Variants in POLR1B observed in about 807,000 individuals in gnomAD.
POLR1B encodes RNA polymerase I subunit B.
Under a neutral mutation model 105.8 loss-of-function variants are expected in POLR1B, and 30 were observed. That is an observed-to-expected ratio of 0.28 (90% confidence interval 0.21 to 0.38). POLR1B has a LOEUF of 0.38. Ranked by LOEUF, POLR1B falls within the 10% of genes least tolerant of loss-of-function variation. The probability of loss-of-function intolerance (pLI) is 1.00; values close to 1 mark genes in which losing one functional copy is unlikely to be tolerated. For synonymous variants in POLR1B, 485 were observed against 505.1 expected (o/e 0.96, Z 0.53); for missense variants, 976 against 1,435.8 (o/e 0.68, Z 5.17).
At chr2:112,563,919 T>C (rs1684142802) in intron 9 of POLR1B, among the ~76,000 whole-genome samples, 1 of 151,986 alleles carries the variant, frequency 6.6e-6, no homozygotes. Context: ...AACCCATTTT[T>C]TTTGCTCATC....
At chr2:112,557,435 G>A (rs1007135726) in intron 7 of POLR1B, among the ~76,000 whole-genome samples, 1 of 152,100 alleles carries the variant, frequency 6.6e-6, no homozygotes. Flanking sequence ...GTGAAGGAGG[G>A]CATCACATTG....
intron 10 of POLR1B, among the ~76,000 whole-genome samples, chr2:112,566,364 A>G (rs1018544363): frequency 6.6e-6 from 1 of 152,158 alleles, no homozygotes; most frequent in Non-Finnish European, 1.5e-5. Flanking sequence ...TTCACCCACT[A>G]GTTGATGGAT....
intron 3 of POLR1B, 56 bp from the exon 4 acceptor site, chr2:112,549,211 G>C: frequency 6.3e-7 from 1 of 1,595,126 alleles, no homozygotes; most frequent in Non-Finnish European, 8.6e-7. Context: ...TGAGGTTCAT[G>C]TTTACAGTTA....
chr2:112,567,034 T>G (rs1684319421), intron 10 of POLR1B, among the ~76,000 whole-genome samples: 1 of 152,106 alleles, frequency 6.6e-6, no homozygotes, highest in African/African-American at 2.4e-5. Context: ...TTCATTCTCT[T>G]TTTTTTGGTT....
chr2:112,546,544 CTTTTTTTTTTTTTTTTTTTTTTTTTTTT>C lies in POLR1B; in HGVS notation c.178-460_178-433del, dbSNP rs869087985. ...GAAGTTATGAGTAGACTGGAGGTAG[CTTTTTTTTTTTTTTTTTTTTTTTTTTTT>C]TTTTTTTGAGACGGAGTCTCGCTCT... On this transcript the variant is annotated intron_variant, in intron 1 of 14. Transcript: ENST00000263331. Among the ~76,000 whole-genome samples, 3 of 53,158 alleles carry C rather than the reference CTTTTTTTTTTTTTTTTTTTTTTTTTTTT, an allele frequency of 5.6e-5. No homozygotes were observed. The Admixed American group carries it at 1.0e-3, about 19-fold the overall frequency. 34.9% of individuals were successfully genotyped at this position (53,158 alleles called of 152,430 possible).
intron 10 of POLR1B, among the ~76,000 whole-genome samples, chr2:112,566,047 G>A (rs1411347095): frequency 6.6e-6 from 1 of 151,950 alleles, no homozygotes; most frequent in Non-Finnish European, 1.5e-5. Flanking sequence ...TTTAGTAGAG[G>A]TGGGGTTTCA....
chr2:112,550,663 A>G (rs1284809862), intron 4 of POLR1B: 6 of 586,732 alleles, frequency 1.0e-5, no homozygotes, highest in Non-Finnish European at 1.8e-5. Flanking sequence ...GTTATTTTAC[A>G]TTAGTGTTTC....
chr2:112,574,304 CATA>C (rs1684750354), intron 14 of POLR1B, among the ~76,000 whole-genome samples: 1 of 152,146 alleles, frequency 6.6e-6, no homozygotes, highest in Non-Finnish European at 1.5e-5. Flanking sequence ...AATAGGCTTT[CATA>C]ATAATTTTTC....
chr2:112,547,932 G>A (rs562220962), intron 3 of POLR1B, among the ~76,000 whole-genome samples: 2 of 151,832 alleles, frequency 1.3e-5, no homozygotes, highest in South Asian at 4.2e-4. Flanking sequence ...TGGATCTGTA[G>A]TCCCAGCTAA....
Position 112,552,651 on chromosome 2 carries a change from C to T in POLR1B, c.993C>T (p.Cys331=). The T allele has an allele frequency of 6.4e-7, 1 of 1,569,338 alleles. No individual in the cohort carries two copies. The highest frequency in any genetic ancestry group is 2.0e-5 in the Admixed American group (1 of 50,950). ...TTTTTTTCTGTTTTCACAGCCAGTG[C>T]ATCTGTATCCACTTGAAATCCAATA... The part of the protein sequence containing the change: ...EQAAEFLFNQ[C]ICIHLKSNTE... The change falls in exon 7 of 15, where the codon TGC becomes TGT. Residue 331 remains cysteine, a synonymous_variant. Transcript: ENST00000263331.
chr2:112,564,219 TAAAAG>T, intron 9 of POLR1B, 142 bp from the exon 10 acceptor site: 1 of 928,188 alleles, frequency 1.1e-6, no homozygotes, highest in Non-Finnish European at 1.6e-6. Context: ...GAAGTGCAGT[TAAAAG>T]AAATAATGCC....
intron 10 of POLR1B, among the ~76,000 whole-genome samples, chr2:112,566,758 A>T (rs555304271): frequency 2.0e-5 from 3 of 149,494 alleles, no homozygotes; most frequent in Admixed American, 6.7e-5. Flanking sequence ...TTTGAGGCAG[A>T]GTCTCGCTCT....
chr2:112,552,911 T>C (rs938901663), intron 7 of POLR1B, 95 bp downstream of exon 7: 1 of 1,194,770 alleles, frequency 8.4e-7, no homozygotes, highest in African/African-American at 1.6e-5. Flanking sequence ...GTTTATAGTT[T>C]CTAGTTTTGG....
chr2:112,550,788 A>T (rs1683325507), intron 4 of POLR1B, 78 bp from the exon 5 acceptor site: 10 of 1,474,128 alleles, frequency 6.8e-6, no homozygotes, highest in Non-Finnish European at 7.5e-6. Flanking sequence ...TAAGAGGTTA[A>T]GATTGTTCAG....
At chr2:112,563,123 C>A (rs1331571769) in intron 9 of POLR1B, among the ~76,000 whole-genome samples, 1 of 149,316 alleles carries the variant, frequency 6.7e-6, no homozygotes, top group African/African-American at 2.5e-5. Flanking sequence ...GGCGTGATCT[C>A]GGCTCACTGT....
chr2:112,557,705 T>C (rs1683733415), intron 7 of POLR1B, among the ~76,000 whole-genome samples: 1 of 152,066 alleles, frequency 6.6e-6, no homozygotes, highest in African/African-American at 2.4e-5. Context: ...GCCTCCCAAG[T>C]AGCTGGAACT....
At chr2:112,569,187 G>T (rs1339247281) in intron 12 of POLR1B, among the ~76,000 whole-genome samples, 1 of 152,026 alleles carries the variant, frequency 6.6e-6, no homozygotes, top group Admixed American at 6.6e-5. Context: ...CATAGATTTG[G>T]GTGTGCCTGA....
At chr2:112,560,565 T>C (rs1683926765) in intron 9 of POLR1B, among the ~76,000 whole-genome samples, 1 of 152,102 alleles carries the variant, frequency 6.6e-6, no homozygotes, top group African/African-American at 2.4e-5. Context: ...TTCTCTGCAG[T>C]CTTCTAGTCC....
At chr2:112,552,920 G>T in intron 7 of POLR1B, 104 bp downstream of exon 7, 1 of 1,111,068 alleles carries the variant, frequency 9.0e-7, no homozygotes, top group Non-Finnish European at 1.2e-6. Flanking sequence ...TTCTAGTTTT[G>T]GCATTTTGTG....
Sources: gnomAD v4.1 joint callset for allele counts (sites outside exome capture counted in the v4.1 genomes callset) on GRCh38, gnomAD v4.1.1 for gene constraint, MANE v1.5 for transcripts, NCBI Gene and HGNC (gene_info 2026-07-23, HGNC 2026-07-21) for gene names.